COL25A1: variants seen among roughly 807,000 people sequenced by gnomAD.
COL25A1 encodes collagen type XXV alpha 1 chain.
In COL25A1, 103 loss-of-function variants were observed where a neutral mutation model predicts 128.4. That is an observed-to-expected ratio of 0.80 (90% confidence interval 0.68 to 0.94). The LOEUF (loss-of-function observed/expected upper bound fraction) is 0.94. COL25A1 is among the 40% of genes least tolerant of loss of function. COL25A1 has a pLI of 0.00. For missense variants in COL25A1, 745 were observed against 840.0 expected, an observed-to-expected ratio of 0.89 and a Z score of 1.40; for synonymous variants, 279 against 277.2, an observed-to-expected ratio of 1.01 and a Z score of -0.06.
intron 3 of COL25A1, among the ~76,000 whole-genome samples, chr4:109,268,192 T>C (rs1045347906): frequency 6.6e-6 from 1 of 152,244 alleles, no homozygotes; most frequent in Non-Finnish European, 1.5e-5. Flanking sequence ...GGTAATAGCA[T>C]AGGCATTAAG....
At chr4:109,101,365 G>A (rs1765874225) in intron 3 of COL25A1, among the ~76,000 whole-genome samples, 1 of 152,176 alleles carries the variant, frequency 6.6e-6, no homozygotes, top group South Asian at 2.1e-4. Context: ...GCAGTCAGTA[G>A]CAGCAAAGCT....
At chr4:108,892,942 A>T (rs907385081) in intron 16 of COL25A1, among the ~76,000 whole-genome samples, 1 of 152,188 alleles carries the variant, frequency 6.6e-6, no homozygotes, top group Non-Finnish European at 1.5e-5. Flanking sequence ...AGACAGCAAC[A>T]GTATTCTAAA....
chr4:109,037,344 TC>T (rs1379947050), intron 5 of COL25A1, among the ~76,000 whole-genome samples: 2 of 152,070 alleles, frequency 1.3e-5, no homozygotes, highest in Admixed American at 1.3e-4. Flanking sequence ...ACTCTCCTCT[TC>T]CTCCACAGAA....
rs185066536 is a variant in COL25A1 at position 109,201,252 on chromosome 4, G to A, written c.367+99331C>T. Reference sequence around the variant, plus strand: ...TTATGATAAAGAATAGAGTTTAATAGAAAATCAAATCCAATAATATATTAA... The same window carrying A: ...TTATGATAAAGAATAGAGTTTAATAAAAAATCAAATCCAATAATATATTAA... On this transcript the variant is annotated intron_variant, in intron 3 of 37. Coordinates refer to ENST00000399132, the MANE Select transcript of COL25A1 (RefSeq NM_198721.4). Among the ~76,000 whole-genome samples, 345 of 152,182 alleles carry A rather than the reference G, an allele frequency of 2.3e-3. 1 individual carries two copies. Among genetic ancestry groups the A allele is most frequent in the African/African-American group, 7.6e-3 (317 of 41,526 alleles).
At chr4:109,251,916 T>C (rs1780675777) in intron 3 of COL25A1, among the ~76,000 whole-genome samples, 1 of 152,234 alleles carries the variant, frequency 6.6e-6, no homozygotes. Context: ...GTATTGCCAC[T>C]GAAGTGGCAC....
intron 3 of COL25A1, among the ~76,000 whole-genome samples, chr4:109,146,224 T>C (rs910061269): frequency 2.0e-5 from 3 of 152,220 alleles, no homozygotes; most frequent in African/African-American, 7.2e-5. Flanking sequence ...AGTAAAAATG[T>C]ATTTTCTAAC....
intron 36 of COL25A1, 72 bp downstream of exon 36, chr4:108,819,180 A>T: frequency 8.3e-7 from 1 of 1,200,048 alleles, no homozygotes; most frequent in Non-Finnish European, 1.2e-6. Context: ...GCACCACTTT[A>T]CACTGATAGA....
At chr4:108,920,764 C>T (rs1381106545) in intron 11 of COL25A1, among the ~76,000 whole-genome samples, 160 bp from the exon 12 acceptor site, 3 of 151,814 alleles carry the variant, frequency 2.0e-5, no homozygotes, top group Non-Finnish European at 1.5e-5. Context: ...GTTTGAAGTT[C>T]CAAGTGGATC....
intron 3 of COL25A1, among the ~76,000 whole-genome samples, chr4:109,162,883 T>C (rs1171768744): frequency 6.6e-6 from 1 of 152,126 alleles, no homozygotes; most frequent in Non-Finnish European, 1.5e-5. Flanking sequence ...ACTAATGTGA[T>C]TTTTACCTAA....
At chr4:109,012,614 C>T (rs2126048421) in intron 5 of COL25A1, among the ~76,000 whole-genome samples, 1 of 152,258 alleles carries the variant, frequency 6.6e-6, no homozygotes, top group Admixed American at 6.5e-5. Context: ...AGGGGCTTAG[C>T]ACCTGGGCCA....
At chr4:109,050,270 T>G (rs780808047) in intron 3 of COL25A1, 91 bp from the exon 4 acceptor site, 5 of 968,004 alleles carry the variant, frequency 5.2e-6, no homozygotes, top group Non-Finnish European at 7.7e-6. Flanking sequence ...TATTTTCTCA[T>G]TGTTTTTAAC....
intron 21 of COL25A1, 21 bp downstream of exon 21, chr4:108,863,298 T>C: frequency 6.2e-7 from 1 of 1,610,498 alleles, no homozygotes; most frequent in Non-Finnish European, 8.5e-7. Context: ...ATGGTTATTT[T>C]CCAGTTTAAG....
rs117320922 is a variant in COL25A1 at position 108,817,969 on chromosome 4, G to A, written c.1924-534C>T. ...GTAGAACATACTCAATTGAATTAGA[G>A]GACAGGCAGCCTATCTATATTTTTA... On this transcript the variant is annotated intron_variant, in intron 36 of 37. Coordinates refer to ENST00000399132, the MANE Select transcript of COL25A1 (RefSeq NM_198721.4). Among the ~76,000 whole-genome samples, 164 of 152,140 alleles carry A rather than the reference G, an allele frequency of 1.1e-3. 2 individuals are homozygous for A. The East Asian group carries it at 0.026, about 25-fold the overall frequency.
chr4:109,005,595 A>G (rs1755887310), intron 6 of COL25A1, among the ~76,000 whole-genome samples: 1 of 152,214 alleles, frequency 6.6e-6, no homozygotes, highest in African/African-American at 2.4e-5. Flanking sequence ...GTATAATAGA[A>G]GTAGACCATT....
At chr4:108,855,697 G>A (rs186597673) in intron 24 of COL25A1, among the ~76,000 whole-genome samples, 2 of 152,172 alleles carry the variant, frequency 1.3e-5, no homozygotes, top group Admixed American at 1.3e-4. Flanking sequence ...CCTAACAGAT[G>A]GAGTTTAAAT....
chr4:109,016,594 CCA>C, intron 5 of COL25A1, among the ~76,000 whole-genome samples: 1 of 152,358 alleles, frequency 6.6e-6, no homozygotes, highest in East Asian at 1.9e-4. Context: ...CATAAAAACC[CCA>C]GACTCAAACA....
intron 2 of COL25A1, among the ~76,000 whole-genome samples, chr4:109,301,096 C>G (rs562030693): frequency 6.6e-6 from 1 of 151,788 alleles, no homozygotes. Flanking sequence ...AACCCCCTTA[C>G]TCTAGTCTAA....
chr4:109,174,864 C>G (rs1477253729), intron 3 of COL25A1, among the ~76,000 whole-genome samples: 2 of 152,192 alleles, frequency 1.3e-5, no homozygotes, highest in Non-Finnish European at 2.9e-5. Flanking sequence ...GGAACTGGGC[C>G]TCGCAGCAGG....
At chr4:108,986,201 C>T (rs979329474) in intron 6 of COL25A1, among the ~76,000 whole-genome samples, 1 of 152,152 alleles carries the variant, frequency 6.6e-6, no homozygotes, top group African/African-American at 2.4e-5. Context: ...ATCCTACATA[C>T]TTTTGTCAGA....
Sources: allele counts gnomAD v4.1 joint callset (sites outside exome capture counted in the v4.1 genomes callset), GRCh38; gene constraint gnomAD v4.1.1; transcripts MANE v1.5; gene names NCBI Gene and HGNC (gene_info 2026-07-23, HGNC 2026-07-21).